DAB1: variants seen among roughly 807,000 people sequenced by gnomAD.
DAB1 encodes disabled homolog 1.
A neutral mutation model predicts 64.6 loss-of-function variants in DAB1; 15 were observed. That is an observed-to-expected ratio of 0.23 (90% CI 0.16 to 0.36). The LOEUF (loss-of-function observed/expected upper bound fraction) is 0.36, where lower values mean the gene tolerates loss of function less well. DAB1 is among the 10% of genes least tolerant of loss of function. The pLI is 1.00. For missense variants in DAB1, 596 were observed against 706.7 expected (o/e 0.84, Z 1.78); for synonymous variants, 235 against 251.9 (o/e 0.93, Z 0.64).
chr1:57,151,728 A>G (rs1659685501), intron 2 of DAB1, among the ~76,000 whole-genome samples: 2 of 152,012 alleles, frequency 1.3e-5, no homozygotes, highest in Admixed American at 6.6e-5. Flanking sequence ...AGTTGTTAGT[A>G]ATAATATATT....
Position 58,386,882 on chromosome 1 carries a change from G to A in DAB1, n.258-43479C>T, listed in dbSNP as rs1644436937. ...CAAGACCAGCCTTGACCAACATGGA[G>A]AAACCCCAACTCTACTAAAAATACA... On this transcript the variant is annotated intron_variant and non_coding_transcript_variant, in intron 3 of 20. Coordinates refer to the DAB1 transcript ENST00000485760. 1.3e-5 allele frequency among the ~76,000 whole-genome samples: 2 copies of A among 152,152 alleles called. 1 individual carries two copies. Among genetic ancestry groups the A allele is most frequent in the South Asian group, 4.1e-4 (2 of 4,824 alleles).
rs934843237 is a variant in DAB1, at chr1:57,142,170, T to C, written c.207+3120A>G. On this transcript the variant is annotated intron_variant, in intron 3 of 14. Transcript: ENST00000371236. ...CAGGCAATGGGTCACTCATACTCAT[T>C]ATATGAATCCCCTCTCAATCCCCTA... is the stretch of plus-strand genomic sequence containing the variant. 9.9e-5 allele frequency among the ~76,000 whole-genome samples: 15 copies of C among 152,132 alleles called. No homozygotes were observed. In the East Asian group the frequency reaches 2.9e-3, roughly 29 times the overall value.
chr1:58,188,034 T>G (rs532945), intron 4 of DAB1, among the ~76,000 whole-genome samples: 121,064 of 151,798 alleles, frequency 0.8, 48,986 homozygotes, highest in South Asian at 0.87. Flanking sequence ...TCAGCCTCCT[T>G]AGTAGCTGGG....
chr1:57,515,649 G>A (rs545750251), intron 7 of DAB1, among the ~76,000 whole-genome samples: 13 of 152,258 alleles, frequency 8.5e-5, no homozygotes, highest in African/African-American at 2.9e-4. Flanking sequence ...TCTGCCCCTG[G>A]GCTACCATGC....
intron 4 of DAB1, among the ~76,000 whole-genome samples, chr1:57,103,966 A>G (rs1654911477): frequency 1.3e-5 from 2 of 152,072 alleles, no homozygotes; most frequent in African/African-American, 4.8e-5. Context: ...TGAGTAGGTG[A>G]GGAGATCAAG....
At chr1:58,275,518 T>C (rs924632703) in intron 4 of DAB1, among the ~76,000 whole-genome samples, 8 of 152,186 alleles carry the variant, frequency 5.3e-5, no homozygotes, top group African/African-American at 1.7e-4. Context: ...TGAATAGTTA[T>C]TTCTCCAAAG....
chr1:57,567,423 C>T (rs1177361188), intron 7 of DAB1, among the ~76,000 whole-genome samples: 1 of 152,126 alleles, frequency 6.6e-6, no homozygotes, highest in Non-Finnish European at 1.5e-5. Context: ...GAAGTTCTGG[C>T]CAGGGCAACC....
chr1:57,089,985 C>G (rs757071511), intron 4 of DAB1, among the ~76,000 whole-genome samples: 3 of 152,146 alleles, frequency 2.0e-5, no homozygotes, highest in Non-Finnish European at 2.9e-5. Context: ...ACAGCCGACA[C>G]CCAGCATGGG....
intron 1 of DAB1, among the ~76,000 whole-genome samples, chr1:57,423,084 C>T (rs1685052553): frequency 6.6e-6 from 1 of 151,930 alleles, no homozygotes. Context: ...TCTGGGTTCT[C>T]TCGGCGGTTG....
chr1:57,330,880 C>T (rs1391725740), intron 1 of DAB1, among the ~76,000 whole-genome samples: 1 of 152,128 alleles, frequency 6.6e-6, no homozygotes. Flanking sequence ...ATTGTTCCCT[C>T]TGTCAGGAAT....
At chr1:57,128,152 AAAATAAATAAATAAATAAAT>A (rs141430592) in intron 4 of DAB1, among the ~76,000 whole-genome samples, 7 of 103,194 alleles carry the variant, frequency 6.8e-5, no homozygotes, top group African/African-American at 2.0e-4. Context: ...TCAAAAAATA[AAAATAAATAAATAAATAAAT>A]AAATAAATAA....
intron 3 of DAB1, among the ~76,000 whole-genome samples, chr1:58,473,327 G>A (rs561478701): frequency 6.6e-6 from 1 of 152,002 alleles, no homozygotes; most frequent in East Asian, 1.9e-4. Flanking sequence ...TGGATCACGA[G>A]GTCAGGAGAT....
intron 6 of DAB1, among the ~76,000 whole-genome samples, chr1:57,668,082 AT>A (rs1646470142): frequency 6.6e-6 from 1 of 152,060 alleles, no homozygotes; most frequent in African/African-American, 2.4e-5. Flanking sequence ...GAGGAACTGA[AT>A]TTTTTACTTT....
chr1:57,133,737 T>C (rs1489145620), intron 4 of DAB1, among the ~76,000 whole-genome samples: 1 of 152,138 alleles, frequency 6.6e-6, no homozygotes, highest in African/African-American at 2.4e-5. Flanking sequence ...TTTCTTTTCT[T>C]GGTTTTTAAA....
chr1:57,993,771 C>T (rs1171945420), intron 5 of DAB1, among the ~76,000 whole-genome samples: 1 of 152,150 alleles, frequency 6.6e-6, no homozygotes, highest in Non-Finnish European at 1.5e-5. Flanking sequence ...GGAAATTGGC[C>T]TAGACCCTTA....
intron 5 of DAB1, among the ~76,000 whole-genome samples, chr1:58,022,457 G>A (rs924432200): frequency 2.6e-5 from 4 of 152,156 alleles, no homozygotes; most frequent in Admixed American, 2.6e-4. Context: ...CTGAGTTTGA[G>A]TACAGATTTG....
intron 4 of DAB1, among the ~76,000 whole-genome samples, chr1:58,338,952 A>G (rs1663188027): frequency 6.6e-6 from 1 of 152,224 alleles, no homozygotes; most frequent in South Asian, 2.1e-4. Context: ...AATATCCAGA[A>G]TAGGTAAATC....
chr1:58,473,399 G>A (rs920458281), intron 3 of DAB1, among the ~76,000 whole-genome samples: 48 of 151,854 alleles, frequency 3.2e-4, no homozygotes, highest in Non-Finnish European at 5.3e-4. Context: ...AAAATTAGCC[G>A]GGCGCGGTGG....
rs375290063 is a variant in DAB1, at chr1:57,630,274, T to C, written n.625+19318A>G. 1.4e-4 allele frequency among the ~76,000 whole-genome samples: 22 copies of C among 152,306 alleles called. No homozygotes were observed. The East Asian group carries it at 1.9e-3, about 13-fold the overall frequency. ...AAAGAATCACAGCTGGAAGGAGATC[T>C]TGAGAGGTCATCTGGAACCTGTGCA... On this transcript the variant is annotated intron_variant and non_coding_transcript_variant, in intron 7 of 20. Coordinates refer to the DAB1 transcript ENST00000485760.
Sources: gnomAD v4.1 joint callset for allele counts (sites outside exome capture counted in the v4.1 genomes callset) on GRCh38, gnomAD v4.1.1 for gene constraint, MANE v1.5 for transcripts, NCBI Gene and HGNC (gene_info 2026-07-23, HGNC 2026-07-21) for gene names.